ZBED5: variants seen among roughly 807,000 people sequenced by gnomAD.
The protein encoded by ZBED5 is zinc finger BED-type containing 5, also known as zinc finger BED domain-containing protein 5.
A neutral mutation model predicts 49.2 loss-of-function variants in ZBED5; 29 were observed. That is an observed-to-expected ratio of 0.59 (90% CI 0.44 to 0.80). The LOEUF is 0.80. Ranked by LOEUF, ZBED5 falls within the 30% of genes least tolerant of loss-of-function variation. ZBED5 has a pLI of 0.00. For missense variants in ZBED5, 775 were observed against 812.9 expected (o/e 0.95, Z 0.57); for synonymous variants, 281 against 292.5 (o/e 0.96, Z 0.40).
chr11:10,854,013 C>T lies in ZBED5; in HGVS notation c.933G>A (p.Leu311=). 2 of 1,551,412 alleles carry T rather than the reference C, an allele frequency of 1.3e-6. No individual in the cohort carries two copies. The highest frequency in any genetic ancestry group is 1.7e-6 in the Non-Finnish European group (2 of 1,146,916). Residue 311 remains leucine (L), a synonymous_variant, in exon 3 of 3, where the codon TTG becomes TTA. Coordinates refer to ENST00000413761, the MANE Select transcript of ZBED5 (RefSeq NM_001143667.2). This position sits in a 1 kb window ranked among gnomAD's most constrained non-coding sequence, Gnocchi z 5.0. ...TTTCTTCACCGGTAGCATTACTTTG[C>T]AAAGATTCACACAGGAGTAGGTCTT... The part of the protein sequence containing the change: ...IEEDLLLCES[L]QSNATGEEIF...
rs1322803748 is a variant in ZBED5, at chr11:10,853,171, T to C, written c.1775A>G (p.Tyr592Cys). The C allele has an allele frequency of 5.2e-6, 8 of 1,551,668 alleles. 1 individual carries two copies. In the South Asian group the frequency reaches 5.9e-5, roughly 12 times the overall value. The change falls in exon 3 of 3, where the codon TAT becomes TGT. Residue 592 changes from tyrosine to cysteine, a missense_variant. Tyr to Cys is a radical substitution (Grantham distance 194). Transcript: ENST00000413761. The surrounding 1 kb of genome is among the most constrained non-coding windows in gnomAD (Gnocchi z 5.4). ...VKPASLVARD[Y>C]ESLIDLTSDS... Reference sequence around the variant, plus strand: ...AGATGTTAAATCAATCAGGCTCTCATAGTCCCGTGCTACTAATGAAGCTGG... The same window carrying C: ...AGATGTTAAATCAATCAGGCTCTCACAGTCCCGTGCTACTAATGAAGCTGG...
rs1305955696 is a variant in ZBED5, at chr11:10,854,263, C to T, written c.683G>A (p.Arg228Gln). The T allele has an allele frequency of 7.7e-6, 12 of 1,551,030 alleles. No individual in the cohort carries two copies. Among genetic ancestry groups the T allele is most frequent in the East Asian group, 2.4e-5 (1 of 40,912 alleles). Residue 228 changes from arginine to glutamine, a missense_variant, in exon 3 of 3, where the codon CGG (arginine) becomes CAG (glutamine). Transcript: ENST00000413761. This position sits in a 1 kb window ranked among gnomAD's most constrained non-coding sequence, Gnocchi z 5.0. ...IKPCAKDVVM[R>Q]MFDEQYSKKI... The stretch of plus-strand genomic sequence containing the variant: ...TTTACTATATTGTTCATCAAACATC[C>T]GCATCACTACATCTTTTGCACAAGG...
At position 10,853,884 on chromosome 11, in the gene ZBED5, G is replaced by A. The variant is rs2232923; in HGVS notation, c.1062C>T (p.Ala354=). The change falls in exon 3 of 3, where the codon GCC becomes GCT. Residue 354 remains alanine (A), a synonymous_variant. Transcript: ENST00000413761. This position sits in a 1 kb window ranked among gnomAD's most constrained non-coding sequence, Gnocchi z 5.4. ...CATATTTTATTAAGGTGACAGCTTC[G>A]GCAATTTTCCCATCCACTGCCCTAG... is the stretch of plus-strand genomic sequence containing the variant. The part of the protein sequence containing the change: ...DASRAVDGKI[A]EAVTLIKYVA... 2,414 of 1,551,510 alleles carry A rather than the reference G, an allele frequency of 1.6e-3. 36 individuals carry two copies. In the African/African-American group the frequency reaches 0.03, roughly 19 times the overall value.
rs973020559 is a variant in ZBED5, at chr11:10,854,837, C to T, written c.109G>A (p.Asp37Asn). 6.4e-7 allele frequency: 1 copy of T among 1,551,990 alleles called. No individual in the cohort carries two copies. The highest frequency in any genetic ancestry group is 8.7e-7 in the Non-Finnish European group (1 of 1,146,994). Residue 37 changes from aspartate (D) to asparagine (N), a missense_variant, in exon 3 of 3, where the codon GAT becomes AAT. Asp to Asn is a conservative substitution (Grantham distance 23, BLOSUM62 1). Coordinates refer to ENST00000413761, the MANE Select transcript of ZBED5 (RefSeq NM_001143667.2). This position sits in a 1 kb window ranked among gnomAD's most constrained non-coding sequence, Gnocchi z 5.0. ...MFCTTNSLPM[D>N]LLLKQGSLKQ... ...AGACTTCCTTGTTTCAGCAACAGAT[C>T]CATGGGCAATGAGTTTGTGGTACAA...
Position 10,853,141 on chromosome 11 carries a change from G to T in ZBED5, c.1805C>A (p.Ser602Tyr). The change falls in exon 3 of 3, where the codon TCT (serine) becomes TAT (tyrosine). Residue 602 changes from serine (S) to tyrosine (Y), a missense_variant. Ser to Tyr is a moderately radical substitution (Grantham distance 144). Coordinates refer to ENST00000413761, the MANE Select transcript of ZBED5 (RefSeq NM_001143667.2). The surrounding 1 kb of genome is among the most constrained non-coding windows in gnomAD (Gnocchi z 5.4). Reference protein sequence around the residue: ...YESLIDLTSDSQVKQNFSELS... With the variant: ...YESLIDLTSDYQVKQNFSELS... ...TTCACTAAAATTTTGCTTCACTTGA[G>T]AATCAGATGTTAAATCAATCAGGCT... 4 of 1,551,594 alleles carry T rather than the reference G, an allele frequency of 2.6e-6. No individual in the cohort carries two copies. The highest frequency in any genetic ancestry group is 3.5e-6 in the Non-Finnish European group (4 of 1,146,958).
chr11:10,853,684 G>A lies in ZBED5; in HGVS notation c.1262C>T (p.Ala421Val), dbSNP rs1161309692. The change falls in exon 3 of 3, where the codon GCT (alanine) becomes GTT (valine). Residue 421 changes from alanine (A) to valine (V), a missense_variant. Transcript: ENST00000413761. The surrounding 1 kb of genome is among the most constrained non-coding windows in gnomAD (Gnocchi z 5.4). ...ATTTAGAAGAAGTGCTGTGTGCTGA[G>A]CACCCATTTCCTCACATAAAATTTT... ...LLKILCEEMG[A>V]QHTALLLNTE... 9 of 1,551,494 alleles carry A rather than the reference G, an allele frequency of 5.8e-6. No homozygotes were observed. The Admixed American group carries it at 9.8e-5, about 17-fold the overall frequency.
At position 10,854,308 on chromosome 11, in the gene ZBED5, A is replaced by G. The variant is rs752801326; in HGVS notation, c.638T>C (p.Ile213Thr). 1.9e-6 allele frequency: 3 copies of G among 1,550,712 alleles called. No homozygotes were observed. Among genetic ancestry groups the G allele is most frequent in the Non-Finnish European group, 1.7e-6 (2 of 1,146,936 alleles). The change falls in exon 3 of 3, where the codon ATT (isoleucine) becomes ACT (threonine). Residue 213 changes from isoleucine (I) to threonine (T), a missense_variant. Coordinates refer to ENST00000413761, the MANE Select transcript of ZBED5 (RefSeq NM_001143667.2). The surrounding 1 kb of genome is among the most constrained non-coding windows in gnomAD (Gnocchi z 5.0). Reference protein sequence around the residue: ...HIALSGEAHTIGELLIKPCAK... With the variant: ...HIALSGEAHTTGELLIKPCAK... ...ACAAGGTTTGATAAGCAATTCTCCAATAGTATGAGCCTCTCCACTCAGCGC... is the reference window on the plus strand; with the variant it reads ...ACAAGGTTTGATAAGCAATTCTCCAGTAGTATGAGCCTCTCCACTCAGCGC...
Position 10,854,740 on chromosome 11 carries a change from T to G in ZBED5, c.206A>C (p.Gln69Pro), listed in dbSNP as rs537706115. Residue 69 changes from glutamine to proline, a missense_variant, in exon 3 of 3, where the codon CAA (glutamine) becomes CCA (proline). Transcript: ENST00000413761. The surrounding 1 kb of genome is among the most constrained non-coding windows in gnomAD (Gnocchi z 5.0). ...AGGTTGCAACTGCTTATCTTCACTT[T>G]GTAATATTCCAACCTTCTGATCATT... The part of the protein sequence containing the change: ...ESNDQKVGIL[Q>P]SEDKQLQPSV... 6.4e-7 allele frequency: 1 copy of G among 1,551,702 alleles called. No homozygotes were observed. Among genetic ancestry groups the G allele is most frequent in the East Asian group, 2.4e-5 (1 of 40,918 alleles).
rs1590061876 is a variant in ZBED5 at position 10,855,986 on chromosome 11, C to G, written c.-142+158G>C. 1 of 151,966 alleles carries G rather than the reference C, an allele frequency of 6.6e-6. No homozygotes were observed. Among genetic ancestry groups the G allele is most frequent in the Non-Finnish European group, 1.5e-5 (1 of 67,972 alleles). 9.4% of individuals were successfully genotyped at this position (151,966 alleles called of 1,614,324 possible). The stretch of plus-strand genomic sequence containing the variant: ...GCAATCTAAGGATTGCTAAAGAATA[C>G]TATTAACTCTATAAATCAAGGCATA... On this transcript the variant is annotated intron_variant, in intron 2 of 2. Coordinates refer to ENST00000413761, the MANE Select transcript of ZBED5 (RefSeq NM_001143667.2). The surrounding 1 kb of genome is among the most constrained non-coding windows in gnomAD (Gnocchi z 4.1).
rs749612141 is a variant in ZBED5 at position 10,853,612 on chromosome 11, A to G, written c.1334T>C (p.Phe445Ser). The G allele has an allele frequency of 3.9e-6, 6 of 1,551,338 alleles. No individual in the cohort carries two copies. The Admixed American group carries it at 5.9e-5, about 15-fold the overall frequency. Residue 445 changes from phenylalanine (F) to serine (S), a missense_variant, in exon 3 of 3, where the codon TTT becomes TCT. Coordinates refer to ENST00000413761, the MANE Select transcript of ZBED5 (RefSeq NM_001143667.2). The surrounding 1 kb of genome is among the most constrained non-coding windows in gnomAD (Gnocchi z 5.4). ...LSRGKVLVRL[F>S]ELRRELLVFM... is the part of the protein sequence containing the mutation. ...AACCAAAAGTTCACGACGAAGTTCA[A>G]AAAGTCTTACAAGAACTTTACCTCG... is the stretch of plus-strand genomic sequence containing the variant.
chr11:10,853,461 A>G lies in ZBED5; in HGVS notation c.1485T>C (p.Asn495=). The G allele has an allele frequency of 5.2e-6, 8 of 1,550,828 alleles. No homozygotes were observed. Among genetic ancestry groups the G allele is most frequent in the Non-Finnish European group, 7.0e-6 (8 of 1,146,560 alleles). Residue 495 remains asparagine (N), a synonymous_variant, in exon 3 of 3, where the codon AAT becomes AAC. Coordinates refer to ENST00000413761, the MANE Select transcript of ZBED5 (RefSeq NM_001143667.2). This position sits in a 1 kb window ranked among gnomAD's most constrained non-coding sequence, Gnocchi z 5.4. ...TATCAAATACTGTAAAAACGGTCAC[A>G]TTTTTTCCTTGCATTGACAAATTAA... The part of the protein sequence containing the change: ...NEVNLSMQGK[N]VTVFTVFDKM...
At chr11:10,856,958 A>G (rs1374756862) in intron 1 of ZBED5, among the ~76,000 whole-genome samples, 2 of 152,208 alleles carry the variant, frequency 1.3e-5, no homozygotes, top group Non-Finnish European at 2.9e-5. Flanking sequence ...TCTCGTTACT[A>G]GGAGTTGGGT....
rs1335060830 is a variant in ZBED5 at position 10,854,511 on chromosome 11, G to A, written c.435C>T (p.Ala145=). Residue 145 remains alanine, a synonymous_variant, in exon 3 of 3, where the codon GCC becomes GCT. Coordinates refer to ENST00000413761, the MANE Select transcript of ZBED5 (RefSeq NM_001143667.2). This position sits in a 1 kb window ranked among gnomAD's most constrained non-coding sequence, Gnocchi z 5.0. Reference sequence around the variant, plus strand: ...CCAAATGTCTTCGAAGCTTACTAGGGGCTAAAGAGCTATTTGATAAAATTT... The same window carrying A: ...CCAAATGTCTTCGAAGCTTACTAGGAGCTAAAGAGCTATTTGATAAAATTT... ...CKKILSNSSL[A]PSKLRRHLET... 6.4e-7 allele frequency: 1 copy of A among 1,551,426 alleles called. No individual in the cohort carries two copies. Among genetic ancestry groups the A allele is most frequent in the Non-Finnish European group, 8.7e-7 (1 of 1,146,902 alleles).
At position 10,858,023 on chromosome 11, in the gene ZBED5, T is replaced by C. The variant is rs1164101703; in HGVS notation, c.-417A>G. The C allele has an allele frequency of 3.3e-6, 1 of 302,098 alleles. No individual in the cohort carries two copies. Among genetic ancestry groups the C allele is most frequent in the African/African-American group, 2.2e-5 (1 of 46,334 alleles). The allele number at this position is 302,098 out of a possible 1,614,324, so 18.7% of individuals were successfully genotyped here. Reference sequence around the variant, plus strand: ...ATCGCCTAGGCCATCTCCATAGAGATCCGATTCGCGGCTGGCGCGGTCGCC... The same window carrying C: ...ATCGCCTAGGCCATCTCCATAGAGACCCGATTCGCGGCTGGCGCGGTCGCC... On this transcript the variant is annotated 5_prime_UTR_variant, in exon 1 of 3. Coordinates refer to ENST00000413761, the MANE Select transcript of ZBED5 (RefSeq NM_001143667.2).
At position 10,853,539 on chromosome 11, in the gene ZBED5, A is replaced by G; in HGVS notation, c.1407T>C (p.Ser469=). 3 of 1,549,898 alleles carry G rather than the reference A, an allele frequency of 1.9e-6. No homozygotes were observed. The highest frequency in any genetic ancestry group is 2.6e-6 in the Non-Finnish European group (3 of 1,146,018). Reference sequence around the variant, plus strand: ...CAAGATATGCAAGTCTTAGCAGCCAAGATGAATTTGTTAAACAATCAGATA... The same window carrying G: ...CAAGATATGCAAGTCTTAGCAGCCAGGATGAATTTGTTAAACAATCAGATA... ...FRLSDCLTNS[S]WLLRLAYLAD... Residue 469 remains serine (S), a synonymous_variant, in exon 3 of 3, where the codon TCT becomes TCC. Transcript: ENST00000413761. This position sits in a 1 kb window ranked among gnomAD's most constrained non-coding sequence, Gnocchi z 5.4.
rs1015132430 is a variant in ZBED5, at chr11:10,853,042, A to T, written c.1904T>A (p.Leu635His). Residue 635 changes from leucine (L) to histidine (H), a missense_variant, in exon 3 of 3, where the codon CTT becomes CAT. Transcript: ENST00000413761. This position sits in a 1 kb window ranked among gnomAD's most constrained non-coding sequence, Gnocchi z 5.4. The stretch of plus-strand genomic sequence containing the variant: ...CAGGTGCATTGTAGCAAAAGGAAGA[A>T]GTACACGCACTGCACGCCTTGCAAT... ...PSIARRAVRV[L>H]LPFATMHLCE... 1 of 1,551,664 alleles carries T rather than the reference A, an allele frequency of 6.4e-7. No individual in the cohort carries two copies. The highest frequency in any genetic ancestry group is 8.7e-7 in the Non-Finnish European group (1 of 1,146,932).
chr11:10,853,462 T>C lies in ZBED5; in HGVS notation c.1484A>G (p.Asn495Ser), dbSNP rs751632477. The change falls in exon 3 of 3, where the codon AAT (asparagine) becomes AGT (serine). Residue 495 changes from asparagine (N) to serine (S), a missense_variant. By Grantham distance (46) the Asn-to-Ser change is conservative. Coordinates refer to ENST00000413761, the MANE Select transcript of ZBED5 (RefSeq NM_001143667.2). This position sits in a 1 kb window ranked among gnomAD's most constrained non-coding sequence, Gnocchi z 5.4. The stretch of plus-strand genomic sequence containing the variant: ...ATCAAATACTGTAAAAACGGTCACA[T>C]TTTTTCCTTGCATTGACAAATTAAC... ...NEVNLSMQGK[N>S]VTVFTVFDKM... is the part of the protein sequence containing the mutation. 4 of 1,550,650 alleles carry C rather than the reference T, an allele frequency of 2.6e-6. No individual in the cohort carries two copies. In the African/African-American group the frequency reaches 5.5e-5, roughly 21 times the overall value.
Position 10,855,342 on chromosome 11 carries a change from T to C in ZBED5, c.-141-256A>G, listed in dbSNP as rs889130089. On this transcript the variant is annotated intron_variant, in intron 2 of 2. Transcript: ENST00000413761. The surrounding 1 kb of genome is among the most constrained non-coding windows in gnomAD (Gnocchi z 4.1). ...AAGGGACCCTGAAGAATATGTCCCA[T>C]GGCAGGGGTTGGCAGGCTTTTTTTG... is the stretch of plus-strand genomic sequence containing the variant. Among the ~76,000 whole-genome samples, 1 of 152,196 alleles carries C rather than the reference T, an allele frequency of 6.6e-6. No homozygotes were observed. Among genetic ancestry groups the C allele is most frequent in the Non-Finnish European group, 1.5e-5 (1 of 68,026 alleles).
At position 10,857,023 on chromosome 11, in the gene ZBED5, C is replaced by G. The variant is rs1437101036; in HGVS notation, c.-255-766G>C. The stretch of plus-strand genomic sequence containing the variant: ...ATAACTGCCAGAAAGTCGAGGGTCT[C>G]ATACTAGCAACAGCATAAAGCCCTG... On this transcript the variant is annotated intron_variant, in intron 1 of 2. Transcript: ENST00000413761. The surrounding 1 kb of genome is among the most constrained non-coding windows in gnomAD (Gnocchi z 6.3). Among the ~76,000 whole-genome samples the G allele has an allele frequency of 6.6e-6, 1 of 152,194 alleles. No homozygotes were observed. Among genetic ancestry groups the G allele is most frequent in the Non-Finnish European group, 1.5e-5 (1 of 68,042 alleles).
Sources: gnomAD v4.1 joint callset for allele counts (sites outside exome capture counted in the v4.1 genomes callset) on GRCh38, gnomAD v4.1.1 for gene constraint, Gnocchi (gnomAD v3.1) non-coding constraint, MANE v1.5 for transcripts, NCBI Gene and HGNC (gene_info 2026-07-23, HGNC 2026-07-21) for gene names.